MEP1A: variants seen among roughly 807,000 people sequenced by gnomAD.
MEP1A encodes the protein N-benzoyl-L-tyrosyl-P-amino-benzoic acid hydrolase subunit alpha.
In MEP1A, 68 loss-of-function variants were observed where a neutral mutation model predicts 84.5. The observed-to-expected ratio is 0.80, with a 90% confidence interval of 0.66 to 0.98. The LOEUF is 0.98. Ranked by LOEUF, MEP1A falls within the 50% of genes least tolerant of loss-of-function variation. The probability of loss-of-function intolerance (pLI) is 0.00; values close to 1 mark genes in which losing one functional copy is unlikely to be tolerated. For missense variants in MEP1A, 887 were observed against 919.9 expected (o/e 0.96, Z 0.46); for synonymous variants, 337 against 336.8 (o/e 1.00, Z -0.01).
chr6:46,825,241 G>A, intron 7 of MEP1A, 31 bp from the exon 8 acceptor site: 1 of 1,477,604 alleles, frequency 6.8e-7, no homozygotes, highest in Non-Finnish European at 9.4e-7. Context: ...TAACATGACT[G>A]AGAAGGACCT....
chr6:46,824,097 C>G (rs1002371591), intron 7 of MEP1A, among the ~76,000 whole-genome samples: 8 of 152,114 alleles, frequency 5.3e-5, no homozygotes, highest in African/African-American at 1.9e-4. Flanking sequence ...AGGTACAGCT[C>G]TGGGCAGACT....
intron 5 of MEP1A, among the ~76,000 whole-genome samples, chr6:46,801,173 G>A (rs571431754): frequency 6.6e-6 from 1 of 152,044 alleles, no homozygotes; most frequent in African/African-American, 2.4e-5. Context: ...TGGTCATATG[G>A]ATAACTATGT....
At chr6:46,837,399 A>G (rs1404185975) in intron 13 of MEP1A, among the ~76,000 whole-genome samples, 1 of 152,188 alleles carries the variant, frequency 6.6e-6, no homozygotes, top group African/African-American at 2.4e-5. Context: ...TATGAACACA[A>G]TGTTACTTTC....
At chr6:46,812,842 T>C (rs1340115841) in intron 6 of MEP1A, among the ~76,000 whole-genome samples, 1 of 152,126 alleles carries the variant, frequency 6.6e-6, no homozygotes, top group Non-Finnish European at 1.5e-5. Flanking sequence ...CTTGATATAA[T>C]TTTGATTTTC....
At chr6:46,825,545 C>T (rs1459180850) in intron 8 of MEP1A, 52 bp downstream of exon 8, 1 of 1,237,966 alleles carries the variant, frequency 8.1e-7, no homozygotes, top group Non-Finnish European at 1.2e-6. Context: ...GCAGAGATTC[C>T]ATCAGCCTTA....
chr6:46,793,634 CTAA>C (rs1766982087), intron 2 of MEP1A, 29 bp from the exon 3 acceptor site: 2 of 1,587,404 alleles, frequency 1.3e-6, no homozygotes, highest in Admixed American at 1.7e-5. Context: ...TTCGGCAAGA[CTAA>C]TAATAATTTT....
intron 6 of MEP1A, among the ~76,000 whole-genome samples, chr6:46,816,537 G>A (rs1338959743): frequency 6.6e-6 from 1 of 151,896 alleles, no homozygotes; most frequent in African/African-American, 2.4e-5. Flanking sequence ...TCAGAGGCAG[G>A]AAGAGGGAGA....
downstream of MEP1A, among the ~76,000 whole-genome samples, chr6:46,840,452 AG>A (rs1206391937): frequency 3.3e-5 from 5 of 152,312 alleles, no homozygotes; most frequent in East Asian, 9.6e-4. Context: ...GCCAGAATCT[AG>A]TAGGTTTCCA....
chr6:46,841,074 C>G (rs1768323757), downstream of MEP1A, among the ~76,000 whole-genome samples: 1 of 152,180 alleles, frequency 6.6e-6, no homozygotes, highest in Admixed American at 6.5e-5. Flanking sequence ...AGGCCCCAAG[C>G]CCAAACCAAT....
chr6:46,795,999 G>C (rs1414141837), intron 3 of MEP1A, among the ~76,000 whole-genome samples: 1 of 152,130 alleles, frequency 6.6e-6, no homozygotes, highest in African/African-American at 2.4e-5. Flanking sequence ...ATGCACATCA[G>C]AGTGTGAGTC....
chr6:46,808,420 T>A (rs1242532372), intron 5 of MEP1A, among the ~76,000 whole-genome samples: 1 of 152,082 alleles, frequency 6.6e-6, no homozygotes, highest in Non-Finnish European at 1.5e-5. Context: ...CCAGAAAATG[T>A]GATGTAATTT....
intron 9 of MEP1A, among the ~76,000 whole-genome samples, chr6:46,828,789 G>T (rs548958117): frequency 3.7e-4 from 56 of 152,224 alleles, no homozygotes; most frequent in African/African-American, 1.3e-3. Flanking sequence ...ACATTCAGGG[G>T]AAATTTCCAT....
At chr6:46,813,097 C>T (rs1410412426) in intron 6 of MEP1A, among the ~76,000 whole-genome samples, 1 of 151,866 alleles carries the variant, frequency 6.6e-6, no homozygotes, top group Non-Finnish European at 1.5e-5. Context: ...TGTTGCCATC[C>T]ACCTCATTTC....
Position 46,833,192 on chromosome 6 carries a change from A to G in MEP1A, c.1263A>G (p.Leu421=), listed in dbSNP as rs1768115876. 1.9e-6 allele frequency: 3 copies of G among 1,611,112 alleles called. No homozygotes were observed. Among genetic ancestry groups the G allele is most frequent in the Non-Finnish European group, 2.5e-6 (3 of 1,178,784 alleles). ...DPQNSTGGIY[L]DDITLTETPC... ...AGAACTCAACTGGGGGAATTTACCT[A>G]GATGACATCACTCTGACAGAAACCC... Residue 421 remains leucine, a synonymous_variant, in exon 11 of 14, where the codon CTA becomes CTG. Transcript: ENST00000230588.
At chr6:46,811,507 T>G (rs898115122) in intron 6 of MEP1A, among the ~76,000 whole-genome samples, 3 of 152,082 alleles carry the variant, frequency 2.0e-5, no homozygotes, top group Admixed American at 1.3e-4. Context: ...TCCAGTAGTA[T>G]GTTGAATAGA....
chr6:46,811,714 C>T (rs1163578633), intron 6 of MEP1A, among the ~76,000 whole-genome samples: 3 of 151,960 alleles, frequency 2.0e-5, no homozygotes, highest in Admixed American at 2.0e-4. Flanking sequence ...GCTTTTTCTC[C>T]ATCTATTAAG....
Position 46,826,207 on chromosome 6 carries a change from A to G in MEP1A, c.779-147A>G, listed in dbSNP as rs1767941426. 4 of 631,588 alleles carry G rather than the reference A, an allele frequency of 6.3e-6. No individual in the cohort carries two copies. The East Asian group carries it at 1.2e-4, about 19-fold the overall frequency. The allele number at this position is 631,588 out of a possible 1,614,324, so 39.1% of individuals were successfully genotyped here. ...TTAGCAAGTACTAAGATCTGATGAC[A>G]GTAAGATTTGCATTTGAGAAAAAGT... On this transcript the variant is annotated intron_variant, in intron 8 of 13. Transcript: ENST00000230588.
At chr6:46,814,985 G>T (rs1767599734) in intron 6 of MEP1A, among the ~76,000 whole-genome samples, 1 of 152,196 alleles carries the variant, frequency 6.6e-6, no homozygotes, top group Admixed American at 6.5e-5. Flanking sequence ...GTCCTTGGTT[G>T]TGTTTTTGTT....
intron 6 of MEP1A, among the ~76,000 whole-genome samples, chr6:46,811,296 C>A (rs1296106758): frequency 6.6e-6 from 1 of 152,074 alleles, no homozygotes; most frequent in Non-Finnish European, 1.5e-5. Context: ...TTTAGCAGAG[C>A]TACTGATTTG....
Sources: gnomAD v4.1 joint callset for allele counts (sites outside exome capture counted in the v4.1 genomes callset) on GRCh38, gnomAD v4.1.1 for gene constraint, MANE v1.5 for transcripts, NCBI Gene and HGNC (gene_info 2026-07-23, HGNC 2026-07-21) for gene names.